The following FSTL4 variants were observed in gnomAD, a reference collection of about 807,000 sequenced individuals.
The protein encoded by FSTL4 is follistatin-related protein 4.
Under a neutral mutation model 78.2 loss-of-function variants are expected in FSTL4, and 28 were observed. That is an observed-to-expected ratio of 0.36 (90% CI 0.27 to 0.49). FSTL4 has a LOEUF of 0.49. FSTL4 is among the 20% of genes least tolerant of loss of function. FSTL4 has a pLI of 0.98. For missense variants in FSTL4, 922 were observed against 1,084.9 expected (o/e 0.85, Z 2.11); for synonymous variants, 422 against 440.5 (o/e 0.96, Z 0.53).
intron 4 of FSTL4, among the ~76,000 whole-genome samples, chr5:133,332,591 C>CA (rs1266837270): frequency 6.6e-6 from 1 of 152,226 alleles, no homozygotes; most frequent in Admixed American, 6.5e-5. Flanking sequence ...TGGTGCAGAT[C>CA]ACGTGTCACA....
the FSTL4 span, among the ~76,000 whole-genome samples, chr5:133,714,850 C>T: frequency 6.6e-6 from 1 of 152,196 alleles, no homozygotes; most frequent in Non-Finnish European, 1.5e-5. Flanking sequence ...AGGCTAATAA[C>T]CGGCAAGGAG....
chr5:133,263,509 T>G (rs1752578193), intron 6 of FSTL4, among the ~76,000 whole-genome samples: 1 of 151,958 alleles, frequency 6.6e-6, no homozygotes. Context: ...GGCCGAGAGC[T>G]CTAGGTGGAT....
chr5:133,727,899 A>G, the FSTL4 span, among the ~76,000 whole-genome samples: 1 of 152,212 alleles, frequency 6.6e-6, no homozygotes. Context: ...ACCTATCACC[A>G]TGTCTTGAAG....
intron 3 of FSTL4, among the ~76,000 whole-genome samples, chr5:133,514,144 G>A (rs1280901097): frequency 1.3e-5 from 2 of 150,266 alleles, no homozygotes; most frequent in Non-Finnish European, 3.0e-5. Flanking sequence ...GAGCCACTGC[G>A]TTCCAGCCTG....
In FSTL4 at chr5:133,210,302, G is replaced by T; in HGVS notation, c.1609-4C>A. ...GCAGAGGGTCCACACCTATGGACTTGAAAAAAAATAGTGACATGTTGTGAA... is the reference window on the plus strand; with the variant it reads ...GCAGAGGGTCCACACCTATGGACTTTAAAAAAAATAGTGACATGTTGTGAA... On this transcript the variant is annotated splice_polypyrimidine_tract_variant and splice_region_variant and intron_variant, in intron 13 of 15. Transcript: ENST00000265342. The T allele has an allele frequency of 6.6e-7, 1 of 1,525,804 alleles. No individual in the cohort carries two copies. The highest frequency in any genetic ancestry group is 9.1e-7 in the Non-Finnish European group (1 of 1,101,238). The allele number at this position is 1,525,804 out of a possible 1,614,324, so 94.5% of individuals were successfully genotyped here. A position where few individuals can be genotyped will look rare whatever the true frequency, so the allele number is the denominator to read the frequency against.
the FSTL4 span, among the ~76,000 whole-genome samples, chr5:133,777,031 G>A: frequency 5.3e-5 from 8 of 152,016 alleles, no homozygotes; most frequent in African/African-American, 1.2e-4. Flanking sequence ...TCACACACAC[G>A]TGCACATGAA....
chr5:133,451,159 C>T (rs770450508), intron 3 of FSTL4, among the ~76,000 whole-genome samples: 16 of 152,178 alleles, frequency 1.1e-4, no homozygotes, highest in South Asian at 6.2e-4. Context: ...TTGATTTAGG[C>T]AGGCAGGGTC....
At chr5:133,589,906 A>T (rs1465569952) in intron 2 of FSTL4, among the ~76,000 whole-genome samples, 1 of 152,198 alleles carries the variant, frequency 6.6e-6, no homozygotes, top group African/African-American at 2.4e-5. Context: ...CTTATCTTGA[A>T]GCCTCAATTT....
chr5:133,271,860 C>T (rs1752773021), intron 6 of FSTL4, among the ~76,000 whole-genome samples: 1 of 152,158 alleles, frequency 6.6e-6, no homozygotes, highest in Non-Finnish European at 1.5e-5. Flanking sequence ...CAAAAGGCAC[C>T]TGCACGGTGC....
At chr5:133,751,470 T>A in the FSTL4 span, among the ~76,000 whole-genome samples, 1 of 152,238 alleles carries the variant, frequency 6.6e-6, no homozygotes. Context: ...AATTGTGAAA[T>A]ACTAGTGTTC....
rs565673745 is a variant in FSTL4, at chr5:133,500,989, A to G, written c.160+66197T>C. On this transcript the variant is annotated intron_variant, in intron 3 of 15. Coordinates refer to ENST00000265342, the MANE Select transcript of FSTL4 (RefSeq NM_015082.2). ...CTGCTTTAACTTTTGAATTTGCTTGACATCTGGAGGAAGGGGAGATAAAAG... is the reference window on the plus strand; with the variant it reads ...CTGCTTTAACTTTTGAATTTGCTTGGCATCTGGAGGAAGGGGAGATAAAAG... Among the ~76,000 whole-genome samples, 3 of 152,186 alleles carry G rather than the reference A, an allele frequency of 2.0e-5. No individual in the cohort carries two copies. The South Asian group carries it at 6.2e-4, about 32-fold the overall frequency.
At chr5:133,804,964 A>T in the FSTL4 span, among the ~76,000 whole-genome samples, 3 of 130,164 alleles carry the variant, frequency 2.3e-5, no homozygotes, top group African/African-American at 8.4e-5. Context: ...AAAAAAAAAT[A>T]GAACTGCACA....
the FSTL4 span, among the ~76,000 whole-genome samples, chr5:133,772,461 A>G: frequency 6.6e-6 from 1 of 152,234 alleles, no homozygotes; most frequent in Admixed American, 6.5e-5. Context: ...ATTTTAATAT[A>G]TATTCAGTCT....
intron 6 of FSTL4, among the ~76,000 whole-genome samples, chr5:133,268,325 C>G (rs1752690217): frequency 6.6e-6 from 1 of 152,208 alleles, no homozygotes; most frequent in Admixed American, 6.5e-5. Context: ...TGGTCTGTGC[C>G]TTCCCACACC....
intron 3 of FSTL4, among the ~76,000 whole-genome samples, chr5:133,542,475 T>A (rs75682878): frequency 0.024 from 3,697 of 152,202 alleles, 144 homozygotes; most frequent in African/African-American, 0.085. Flanking sequence ...GTTATTCTCA[T>A]CAATATACCC....
At position 133,609,649 on chromosome 5, in the gene FSTL4, C is replaced by A. The variant is rs184532855; in HGVS notation, c.-11+2676G>T. On this transcript the variant is annotated intron_variant, in intron 1 of 15. Coordinates refer to ENST00000265342, the MANE Select transcript of FSTL4 (RefSeq NM_015082.2). ...TTAAATTGCATTTCCTATTAATTAT[C>A]TACTCTATATCATTAGTTAATTCTT... 6.6e-5 allele frequency among the ~76,000 whole-genome samples: 10 copies of A among 152,322 alleles called. No individual in the cohort carries two copies. The East Asian group carries it at 1.7e-3, about 26-fold the overall frequency.
At chr5:133,626,611 T>G in the FSTL4 span, among the ~76,000 whole-genome samples, 1 of 151,756 alleles carries the variant, frequency 6.6e-6, no homozygotes, top group Non-Finnish European at 1.5e-5. Context: ...TTTAATATAT[T>G]TTTTTATTTC....
chr5:133,499,548 G>T (rs993470520), intron 3 of FSTL4, among the ~76,000 whole-genome samples: 1 of 152,068 alleles, frequency 6.6e-6, no homozygotes, highest in Non-Finnish European at 1.5e-5. Context: ...CCAAACCCAA[G>T]AATCAACCTC....
the FSTL4 span, among the ~76,000 whole-genome samples, chr5:133,630,719 C>A: frequency 2.0e-5 from 3 of 152,174 alleles, no homozygotes; most frequent in Admixed American, 2.0e-4. Flanking sequence ...CTGGAGGCAT[C>A]ACGCTACCTG....
Sources: gnomAD v4.1 joint callset for allele counts (sites outside exome capture counted in the v4.1 genomes callset) on GRCh38, gnomAD v4.1.1 for gene constraint, MANE v1.5 for transcripts, NCBI Gene and HGNC (gene_info 2026-07-23, HGNC 2026-07-21) for gene names.